The following SPEN variants were observed in gnomAD, a reference collection of about 807,000 sequenced individuals.
SPEN encodes spen family transcriptional repressor.
SPEN carries 18 observed loss-of-function variants against 269.9 expected under a neutral mutation model. The observed-to-expected ratio is 0.07, with a 90% CI of 0.05 to 0.10. SPEN has a LOEUF of 0.10. SPEN is among the 10% of genes least tolerant of loss of function. The pLI, the probability that SPEN is intolerant of heterozygous loss-of-function variation, is 1.00. For synonymous variants in SPEN, 1,726 were observed against 1,765.7 expected (o/e 0.98, Z 0.56); for missense variants, 3,822 against 4,631.2 (o/e 0.83, Z 5.07).
intron 3 of SPEN, among the ~76,000 whole-genome samples, chr1:15,894,639 C>G (rs2070822968): frequency 7.0e-6 from 1 of 142,898 alleles, no homozygotes; most frequent in African/African-American, 2.6e-5. Context: ...CTCCTGGGTT[C>G]AAATGATTCT....
At chr1:15,926,265 C>T (rs1468708052) in intron 10 of SPEN, among the ~76,000 whole-genome samples, 3 of 151,770 alleles carry the variant, frequency 2.0e-5, no homozygotes, top group East Asian at 1.9e-4. Context: ...AGCGTGGTGG[C>T]GCATGCCTGT....
At chr1:15,914,770 GC>G (rs1310197392) in intron 5 of SPEN, among the ~76,000 whole-genome samples, 3 of 152,156 alleles carry the variant, frequency 2.0e-5, no homozygotes, top group Non-Finnish European at 4.4e-5. Flanking sequence ...GTTGCAGTGA[GC>G]CGAGATTGCT....
chr1:15,935,437 A>G lies in SPEN; in HGVS notation c.9197A>G (p.Gln3066Arg). 1 of 1,614,002 alleles carries G rather than the reference A, an allele frequency of 6.2e-7. No homozygotes were observed. The highest frequency in any genetic ancestry group is 8.5e-7 in the Non-Finnish European group (1 of 1,179,998). Residue 3066 changes from glutamine to arginine, a missense_variant, in exon 11 of 15, where the codon CAG (glutamine) becomes CGG (arginine). Physicochemically the swap from Gln to Arg is conservative, Grantham distance 43. This residue lies in a region of SPEN where 153 missense variants were observed against 228.5 expected (regional missense o/e 0.67). Transcript: ENST00000375759. This position sits in a 1 kb window ranked among gnomAD's most constrained non-coding sequence, Gnocchi z 7.7. The part of the protein sequence containing the change: ...VMLAAGIPVP[Q>R]FISSIHPEQS... ...CTGGCTGCAGGCATCCCAGTGCCCC[A>G]GTTCATCTCCAGCATCCACCCAGAG...
Position 15,928,313 on chromosome 1 carries a change from T to C in SPEN, c.2073T>C (p.Asp691=), listed in dbSNP as rs1189849922. 1.2e-6 allele frequency: 2 copies of C among 1,614,138 alleles called. No homozygotes were observed. The highest frequency in any genetic ancestry group is 1.7e-5 in the Admixed American group (1 of 60,024). ...RDYRNDPYEQ[D]IREYSYRQRE... The stretch of plus-strand genomic sequence containing the variant: ...ACAGGAATGATCCTTATGAACAAGA[T>C]ATTAGGGAATATAGTTACAGGCAAA... The change falls in exon 11 of 15, where the codon GAT becomes GAC. Residue 691 remains aspartate (D), a synonymous_variant. Coordinates refer to ENST00000375759, the MANE Select transcript of SPEN (RefSeq NM_015001.3). This position sits in a 1 kb window ranked among gnomAD's most constrained non-coding sequence, Gnocchi z 5.7.
rs912725750 is a variant in SPEN, at chr1:15,848,771, G to A, written c.83+621G>A. ...GGCAAACGTTTCTCGTTTTTGCGGG[G>A]CTGGGTGGAGAGTGGTGTGAAATAA... On this transcript the variant is annotated intron_variant, in intron 1 of 14. Transcript: ENST00000375759. The surrounding 1 kb of genome is among the most constrained non-coding windows in gnomAD (Gnocchi z 5.1). Among the ~76,000 whole-genome samples, 1 of 152,174 alleles carries A rather than the reference G, an allele frequency of 6.6e-6. No individual in the cohort carries two copies. The highest frequency in any genetic ancestry group is 1.9e-4 in the East Asian group (1 of 5,172).
At chr1:15,910,659 ATGT>A (rs1004956429) in intron 4 of SPEN, among the ~76,000 whole-genome samples, 14 of 148,174 alleles carry the variant, frequency 9.4e-5, no homozygotes, top group African/African-American at 3.2e-4. Context: ...TGAATCCTTG[ATGT>A]TGTTTTATTT....
intron 3 of SPEN, among the ~76,000 whole-genome samples, chr1:15,886,503 G>T (rs2070737666): frequency 6.6e-6 from 1 of 152,280 alleles, no homozygotes; most frequent in East Asian, 1.9e-4. Context: ...CGGCTGCTGC[G>T]TGGTGACTGG....
chr1:15,896,808 A>T (rs989256417), intron 3 of SPEN, among the ~76,000 whole-genome samples: 1 of 152,186 alleles, frequency 6.6e-6, no homozygotes, highest in African/African-American at 2.4e-5. Context: ...CTCTACAAGT[A>T]ATTTTAAGTG....
At position 15,937,345 on chromosome 1, in the gene SPEN, C is replaced by T. The variant is rs374472219; in HGVS notation, c.10209C>T (p.Arg3403=). The change falls in exon 12 of 15, where the codon CGC becomes CGT. Residue 3403 remains arginine, a synonymous_variant. Transcript: ENST00000375759. This position sits in a 1 kb window ranked among gnomAD's most constrained non-coding sequence, Gnocchi z 5.7. ...KGTQTGVEQP[R]LPAGPANRPP... is the part of the protein sequence containing the mutation. ...CCCAGACGGGAGTAGAGCAGCCTCGCCTCCCAGCTGGACCTGCAAACAGGC... is the reference window on the plus strand; with the variant it reads ...CCCAGACGGGAGTAGAGCAGCCTCGTCTCCCAGCTGGACCTGCAAACAGGC... 1.9e-5 allele frequency: 30 copies of T among 1,613,974 alleles called. No individual in the cohort carries two copies. Among genetic ancestry groups the T allele is most frequent in the Non-Finnish European group, 2.5e-5 (29 of 1,180,008 alleles).
Position 15,937,413 on chromosome 1 carries a change from C to T in SPEN, c.10277C>T (p.Thr3426Ile), listed in dbSNP as rs376595473. ...CAGGTTCAGAGGGCACAAGCAGAAA[C>T]AGGCCCGACTTCCTTCCCCTCCCCT... Reference protein sequence around the residue: ...HTQVQRAQAETGPTSFPSPVS... With the variant: ...HTQVQRAQAEIGPTSFPSPVS... Residue 3426 changes from threonine (T) to isoleucine (I), a missense_variant, in exon 12 of 15, where the codon ACA (threonine) becomes ATA (isoleucine). By Grantham distance (89) the Thr-to-Ile change is moderately conservative (BLOSUM62 -1). Around this residue, in one of 16 missense-constraint regions of SPEN, gnomAD observed 359 missense variants for 377.3 expected, o/e 0.95. Coordinates refer to ENST00000375759, the MANE Select transcript of SPEN (RefSeq NM_015001.3). The surrounding 1 kb of genome is among the most constrained non-coding windows in gnomAD (Gnocchi z 5.7). The T allele has an allele frequency of 6.2e-7, 1 of 1,613,794 alleles. No individual in the cohort carries two copies. The highest frequency in any genetic ancestry group is 8.5e-7 in the Non-Finnish European group (1 of 1,180,028).
chr1:15,865,531 T>C (rs2070496707), intron 1 of SPEN, among the ~76,000 whole-genome samples: 1 of 147,354 alleles, frequency 6.8e-6, no homozygotes, highest in Non-Finnish European at 1.5e-5. Flanking sequence ...CAAACGATTC[T>C]CCTGCCTCAA....
rs1284204145 is a variant in SPEN at position 15,933,866 on chromosome 1, G to C, written c.7626G>C (p.Lys2542Asn). Reference protein sequence around the residue: ...STLRKILMDPKYVSATSVTST... With the variant: ...STLRKILMDPNYVSATSVTST... ...TGAGGAAGATTCTCATGGACCCCAA[G>C]TATGTGTCTGCCACAAGTGTCACTT... is the stretch of plus-strand genomic sequence containing the variant. The change falls in exon 11 of 15, where the codon AAG becomes AAC. Residue 2542 changes from lysine to asparagine, a missense_variant. Transcript: ENST00000375759. The surrounding 1 kb of genome is among the most constrained non-coding windows in gnomAD (Gnocchi z 5.7). 2.5e-6 allele frequency: 4 copies of C among 1,613,590 alleles called. No individual in the cohort carries two copies. In the African/African-American group the frequency reaches 4.0e-5, roughly 16 times the overall value.
rs373786600 is a variant in SPEN, at chr1:15,931,144, C to T, written c.4904C>T (p.Pro1635Leu). Residue 1635 changes from proline to leucine, a missense_variant, in exon 11 of 15, where the codon CCT becomes CTT. Transcript: ENST00000375759. The surrounding 1 kb of genome is among the most constrained non-coding windows in gnomAD (Gnocchi z 4.8). ...ENKDSELKTPPSVGPPSVTVV... is the reference protein window; with the variant it reads ...ENKDSELKTPLSVGPPSVTVV... ...AAAGATTCAGAACTGAAAACTCCAC[C>T]TTCCGTTGGGCCTCCAAGTGTCACA... 6.2e-7 allele frequency: 1 copy of T among 1,614,230 alleles called. No individual in the cohort carries two copies. Among genetic ancestry groups the T allele is most frequent in the Non-Finnish European group, 8.5e-7 (1 of 1,180,044 alleles).
intron 3 of SPEN, among the ~76,000 whole-genome samples, chr1:15,904,168 A>G (rs1263239600): frequency 6.6e-6 from 1 of 152,140 alleles, no homozygotes; most frequent in Admixed American, 6.6e-5. Context: ...ATTGTAGTTT[A>G]GGTTAGCATA....
Position 15,930,536 on chromosome 1 carries a change from C to T in SPEN, c.4296C>T (p.Tyr1432=). ...LSSSLERNKF[Y]SFALDKTITP... is the part of the protein sequence containing the mutation. ...GTTCTTTAGAAAGGAACAAATTTTA[C>T]TCTTTTGCATTGGATAAGACAATCA... The change falls in exon 11 of 15, where the codon TAC becomes TAT. Residue 1432 remains tyrosine, a synonymous_variant. Coordinates refer to ENST00000375759, the MANE Select transcript of SPEN (RefSeq NM_015001.3). This position sits in a 1 kb window ranked among gnomAD's most constrained non-coding sequence, Gnocchi z 5.3. 6.2e-7 allele frequency: 1 copy of T among 1,614,138 alleles called. No individual in the cohort carries two copies. Among genetic ancestry groups the T allele is most frequent in the Non-Finnish European group, 8.5e-7 (1 of 1,180,018 alleles).
chr1:15,936,898 A>G (rs1464602502), intron 11 of SPEN, among the ~76,000 whole-genome samples: 1 of 152,186 alleles, frequency 6.6e-6, no homozygotes, highest in Non-Finnish European at 1.5e-5. Context: ...CTGAGATGAA[A>G]GTATTAGATC....
In SPEN at chr1:15,930,473, A is replaced by G; in HGVS notation, c.4233A>G (p.Arg1411=). 1 of 1,614,256 alleles carries G rather than the reference A, an allele frequency of 6.2e-7. No individual in the cohort carries two copies. The highest frequency in any genetic ancestry group is 8.5e-7 in the Non-Finnish European group (1 of 1,180,044). The change falls in exon 11 of 15, where the codon AGA becomes AGG. Residue 1411 remains arginine, a synonymous_variant. Coordinates refer to ENST00000375759, the MANE Select transcript of SPEN (RefSeq NM_015001.3). This position sits in a 1 kb window ranked among gnomAD's most constrained non-coding sequence, Gnocchi z 5.3. ...GATTGTCTTTTTTATTGAGGGACAG[A>G]GAAGACAAGCTACGTGAGCGAGATG... ...SSRLSFLLRD[R]EDKLRERDER... is the part of the protein sequence containing the mutation.
intron 3 of SPEN, among the ~76,000 whole-genome samples, chr1:15,906,773 CT>C (rs1229092780): frequency 0.22 from 20,782 of 96,202 alleles, 1,369 homozygotes; most frequent in African/African-American, 0.34. Context: ...ATGTTTTCAT[CT>C]TTTTTTTTTT....
intron 1 of SPEN, among the ~76,000 whole-genome samples, chr1:15,855,472 T>C (rs915151064): frequency 2.6e-5 from 4 of 152,182 alleles, no homozygotes; most frequent in Admixed American, 6.6e-5. Flanking sequence ...CATTTTGCAG[T>C]TTACAAAACT....
Sources: allele counts gnomAD v4.1 joint callset (sites outside exome capture counted in the v4.1 genomes callset), GRCh38; gene constraint gnomAD v4.1.1; regional missense constraint gnomAD v4.1.1; non-coding constraint Gnocchi (gnomAD v3.1); transcripts MANE v1.5; gene names NCBI Gene and HGNC (gene_info 2026-07-23, HGNC 2026-07-21).